ROBO2: variants seen among roughly 807,000 people sequenced by gnomAD.
ROBO2 encodes roundabout homolog 2.
A neutral mutation model predicts 160.8 loss-of-function variants in ROBO2; 53 were observed. The observed-to-expected ratio is 0.33, with a 90% confidence interval of 0.26 to 0.41. The LOEUF (loss-of-function observed/expected upper bound fraction) is 0.41. ROBO2 is among the 10% of genes least tolerant of loss of function. The pLI is 1.00. For missense variants in ROBO2, 1,577 were observed against 1,722.4 expected, an observed-to-expected ratio of 0.92 and a Z score of 1.49; for synonymous variants, 664 against 611.7, an observed-to-expected ratio of 1.09 and a Z score of -1.26.
At chr3:76,074,309 C>T (rs2068572703) in intron 2 of ROBO2, among the ~76,000 whole-genome samples, 1 of 152,214 alleles carries the variant, frequency 6.6e-6, no homozygotes, top group Admixed American at 6.5e-5. Context: ...CCAGTCTCAA[C>T]ATTTCAACTC....
intron 2 of ROBO2, among the ~76,000 whole-genome samples, chr3:76,062,085 C>G (rs573419544): frequency 6.6e-6 from 1 of 152,078 alleles, no homozygotes; most frequent in Non-Finnish European, 1.5e-5. Flanking sequence ...GGCTAGCAAC[C>G]TTAACTTTCC....
intron 2 of ROBO2, among the ~76,000 whole-genome samples, chr3:76,685,634 G>A (rs2092669641): frequency 6.6e-6 from 1 of 151,792 alleles, no homozygotes. Flanking sequence ...CTAAAGTTTT[G>A]GTATCCATTT....
chr3:76,913,551 A>AT (rs1315488595), intron 2 of ROBO2, among the ~76,000 whole-genome samples: 5 of 152,162 alleles, frequency 3.3e-5, no homozygotes, highest in South Asian at 2.1e-4. Flanking sequence ...ATCTAAGAGT[A>AT]TTTTTTTGTA....
intron 2 of ROBO2, among the ~76,000 whole-genome samples, chr3:76,312,180 T>C (rs1200781742): frequency 2.6e-5 from 4 of 152,202 alleles, no homozygotes; most frequent in African/African-American, 4.8e-5. Flanking sequence ...ACTGTTTGTA[T>C]GTTTGGAGAA....
intron 2 of ROBO2, among the ~76,000 whole-genome samples, chr3:76,986,167 T>G (rs190712120): frequency 3.3e-4 from 50 of 152,274 alleles, no homozygotes; most frequent in African/African-American, 1.2e-3. Flanking sequence ...AATCAAATGG[T>G]TCCAAGTACT....
chr3:77,277,391 A>T (rs1364196007), intron 2 of ROBO2, among the ~76,000 whole-genome samples: 1 of 151,868 alleles, frequency 6.6e-6, no homozygotes, highest in Non-Finnish European at 1.5e-5. Context: ...GCACAGATCC[A>T]CCCATCACCT....
intron 2 of ROBO2, among the ~76,000 whole-genome samples, chr3:76,053,584 CAAAAG>C (rs1254313652): frequency 6.6e-6 from 1 of 151,880 alleles, no homozygotes; most frequent in African/African-American, 2.4e-5. Context: ...AAATAGAAGT[CAAAAG>C]AAATGTTATC....
chr3:76,296,477 C>A (rs1270651973), intron 2 of ROBO2, among the ~76,000 whole-genome samples: 1 of 150,708 alleles, frequency 6.6e-6, no homozygotes, highest in Non-Finnish European at 1.5e-5. Flanking sequence ...ACCAGAGCAC[C>A]TGTTTCAGTA....
intron 2 of ROBO2, among the ~76,000 whole-genome samples, chr3:76,151,627 A>G (rs2072207270): frequency 6.6e-6 from 1 of 152,000 alleles, no homozygotes. Context: ...AATCCCCCAG[A>G]CTCCAGAACC....
chr3:77,645,927 T>C (rs2153725526), intron 25 of ROBO2, 127 bp from the exon 28 acceptor site: 1 of 575,026 alleles, frequency 1.7e-6, no homozygotes, highest in East Asian at 3.0e-5. Context: ...TTACTTAAAT[T>C]CACAAACTCA....
intron 2 of ROBO2, among the ~76,000 whole-genome samples, chr3:76,615,543 A>G (rs1166355117): frequency 6.6e-6 from 1 of 152,196 alleles, no homozygotes; most frequent in East Asian, 1.9e-4. Flanking sequence ...TAATATTGAA[A>G]GACAAAATAA....
chr3:76,897,954 T>C (rs12630815), intron 2 of ROBO2, among the ~76,000 whole-genome samples: 7,360 of 152,238 alleles, frequency 0.048, 251 homozygotes, highest in South Asian at 0.15. Flanking sequence ...GTAGTTGTTA[T>C]ACATTTGTTG....
At chr3:77,194,260 T>G (rs1402239254) in intron 2 of ROBO2, among the ~76,000 whole-genome samples, 1 of 152,174 alleles carries the variant, frequency 6.6e-6, no homozygotes, top group Non-Finnish European at 1.5e-5. Context: ...CCACTGAAGA[T>G]CTCTTCTTGT....
intron 2 of ROBO2, among the ~76,000 whole-genome samples, chr3:76,688,602 G>GGT (rs111250460): frequency 0.39 from 57,784 of 148,556 alleles, 10,990 homozygotes; most frequent in East Asian, 0.45. Flanking sequence ...AAATTTTAGT[G>GGT]GTGTGTGTGT....
intron 2 of ROBO2, among the ~76,000 whole-genome samples, chr3:76,250,502 G>C (rs532535940): frequency 4.6e-5 from 7 of 152,018 alleles, no homozygotes; most frequent in Non-Finnish European, 8.8e-5. Context: ...ATCGTTTTGC[G>C]TGTAGGAGAG....
At chr3:77,298,526 G>A (rs1345402617) in intron 2 of ROBO2, among the ~76,000 whole-genome samples, 9 of 152,108 alleles carry the variant, frequency 5.9e-5, no homozygotes, top group Non-Finnish European at 2.9e-5. Context: ...CTTCAGACCA[G>A]GGCAAAATAT....
Position 77,564,891 on chromosome 3 carries a change from C to A in ROBO2, c.1683-63C>A. On this transcript the variant is annotated intron_variant, in intron 11 of 25. Coordinates refer to ENST00000461745, the Ensembl canonical transcript of ROBO2. The stretch of plus-strand genomic sequence containing the variant: ...CAGCCATTAACCTTTGTCATTGATA[C>A]CCAACTCCATTTCCAATCTTCAAAT... The A allele has an allele frequency of 2.0e-5, 30 of 1,484,854 alleles. No homozygotes were observed. In the South Asian group the frequency reaches 3.3e-4, roughly 16 times the overall value. The allele number at this position is 1,484,854 out of a possible 1,614,324, so 92.0% of individuals were successfully genotyped here. A position where few individuals can be genotyped will look rare whatever the true frequency, so the allele number is the denominator to read the frequency against.
chr3:76,044,682 T>C (rs1166267977), intron 2 of ROBO2, among the ~76,000 whole-genome samples: 1 of 151,948 alleles, frequency 6.6e-6, no homozygotes, highest in Non-Finnish European at 1.5e-5. Context: ...TTAAAGCATA[T>C]TGAAGGTGAC....
intron 2 of ROBO2, among the ~76,000 whole-genome samples, chr3:77,461,094 C>A (rs563200874): frequency 1.3e-5 from 2 of 151,720 alleles, no homozygotes; most frequent in Non-Finnish European, 2.9e-5. Flanking sequence ...TTGAAAAAAA[C>A]AACAACAACT....
Sources: gnomAD v4.1 joint callset for allele counts (sites outside exome capture counted in the v4.1 genomes callset) on GRCh38, gnomAD v4.1.1 for gene constraint, MANE v1.5 for transcripts, NCBI Gene and HGNC (gene_info 2026-07-23, HGNC 2026-07-21) for gene names.